The following ANKRD27 variants were observed in gnomAD, a reference collection of about 807,000 sequenced individuals.
The protein encoded by ANKRD27 is ankyrin repeat domain-containing protein 27.
A neutral mutation model predicts 129.7 loss-of-function variants in ANKRD27; 112 were observed. The ratio of observed to expected loss-of-function variants is 0.86; its 90% confidence interval spans 0.74 to 1.01. The LOEUF (loss-of-function observed/expected upper bound fraction) is 1.01, where lower values mean the gene tolerates loss of function less well. ANKRD27 is among the 50% of genes least tolerant of loss of function. The pLI, the probability that ANKRD27 is intolerant of heterozygous loss-of-function variation, is 0.00. For missense variants in ANKRD27, 1,258 were observed against 1,300.5 expected, an observed-to-expected ratio of 0.97 and a Z score of 0.50; for synonymous variants, 516 against 511.2, an observed-to-expected ratio of 1.01 and a Z score of -0.13.
chr19:32,603,245 C>CA (rs1971679052), intron 25 of ANKRD27, among the ~76,000 whole-genome samples: 1 of 152,118 alleles, frequency 6.6e-6, no homozygotes, highest in Non-Finnish European at 1.5e-5. Context: ...TTGCAGTGAG[C>CA]CAAGATCACG....
intron 17 of ANKRD27, among the ~76,000 whole-genome samples, chr19:32,624,318 G>C (rs1005274888): frequency 2.0e-5 from 3 of 149,756 alleles, no homozygotes; most frequent in African/African-American, 7.4e-5. Flanking sequence ...AGTGAGCCAA[G>C]ATCGTGCCAT....
At chr19:32,599,897 A>G in intron 27 of ANKRD27, 75 bp downstream of exon 27, 5 of 1,517,984 alleles carry the variant, frequency 3.3e-6, no homozygotes, top group Non-Finnish European at 4.5e-6. Flanking sequence ...ACCAATTACA[A>G]TTGAAGCAGC....
At chr19:32,673,492 T>G in intron 1 of ANKRD27, 1 of 982,484 alleles carries the variant, frequency 1.0e-6, no homozygotes, top group East Asian at 1.1e-4. Context: ...TCAACTTCTC[T>G]GCTAGGTGCT....
chr19:32,665,101 T>C (rs1967725656), intron 1 of ANKRD27, among the ~76,000 whole-genome samples: 1 of 151,952 alleles, frequency 6.6e-6, no homozygotes, highest in South Asian at 2.1e-4. Context: ...AGACCACATA[T>C]GAACATTTAT....
At chr19:32,615,866 C>G (rs1053339677) in intron 21 of ANKRD27, 86 bp from the exon 22 acceptor site, 1 of 1,528,524 alleles carries the variant, frequency 6.5e-7, no homozygotes, top group African/African-American at 1.4e-5. Context: ...TCAACCGTTC[C>G]CAATCAGGGC....
rs780770615 is a variant in ANKRD27, at chr19:32,615,798, C to T, written c.2053-18G>A. On this transcript the variant is annotated intron_variant, in intron 21 of 28. Transcript: ENST00000306065. Reference sequence around the variant, plus strand: ...TAACGCACCTGGTGATGGAGAGTAACGGAAACAGGAACACATCCTCAGCGT... The same window carrying T: ...TAACGCACCTGGTGATGGAGAGTAATGGAAACAGGAACACATCCTCAGCGT... 25 of 1,607,884 alleles carry T rather than the reference C, an allele frequency of 1.6e-5. No individual in the cohort carries two copies. The highest frequency in any genetic ancestry group is 2.2e-5 in the East Asian group (1 of 44,724).
At chr19:32,629,844 CTTTTTTT>C (rs548494616) in intron 13 of ANKRD27, among the ~76,000 whole-genome samples, 8,215 of 105,654 alleles carry the variant, frequency 0.078, 388 homozygotes, top group African/African-American at 0.15. Context: ...CTCTTGTGTT[CTTTTTTT>C]TTTTTTTTTT....
In ANKRD27 at chr19:32,607,795, T is replaced by C; in HGVS notation, c.2213A>G (p.Asn738Ser). 6.2e-7 allele frequency: 1 copy of C among 1,610,638 alleles called. No individual in the cohort carries two copies. Among genetic ancestry groups the C allele is most frequent in the Non-Finnish European group, 8.5e-7 (1 of 1,178,868 alleles). Reference sequence around the variant, plus strand: ...GGAGGAGCCGTCCTGGCTGGTCACGTTCACACCAAGCCCACTGGCAGGAAC... The same window carrying C: ...GGAGGAGCCGTCCTGGCTGGTCACGCTCACACCAAGCCCACTGGCAGGAAC... Reference protein sequence around the residue: ...AKVPASGLGVNVTSQDGSSPL... With the variant: ...AKVPASGLGVSVTSQDGSSPL... The change falls in exon 23 of 29, where the codon AAC becomes AGC. Residue 738 changes from asparagine (N) to serine (S), a missense_variant. Physicochemically the swap from Asn to Ser is conservative, Grantham distance 46 (BLOSUM62 1). Transcript: ENST00000306065.
intron 22 of ANKRD27, among the ~76,000 whole-genome samples, chr19:32,610,239 G>A (rs970668081): frequency 3.3e-5 from 5 of 152,060 alleles, no homozygotes; most frequent in African/African-American, 1.2e-4. Context: ...GAACCCAGGA[G>A]GCAGAGGTTG....
chr19:32,647,294 G>A (rs1967321596), intron 3 of ANKRD27, among the ~76,000 whole-genome samples: 1 of 152,234 alleles, frequency 6.6e-6, no homozygotes, highest in Non-Finnish European at 1.5e-5. Context: ...CGGTTTTACA[G>A]TTACACGTTT....
At chr19:32,650,602 G>A (rs1474946250) in intron 2 of ANKRD27, among the ~76,000 whole-genome samples, 1 of 151,574 alleles carries the variant, frequency 6.6e-6, no homozygotes, top group Admixed American at 6.6e-5. Flanking sequence ...TTCAGCCCAG[G>A]AGGCAGAGGT....
In ANKRD27 at chr19:32,626,753, G is replaced by C. The variant is rs1401520865; in HGVS notation, c.1495C>G (p.Pro499Ala). ...VNATDYHGAT[P>A]LHLACQKGYQ... ...CCCTTCTGACAGGCCAGGTGGAGCG[G>C]AGTGGCTCCATGGTAGTCTGTGGCA... The change falls in exon 16 of 29, where the codon CCG becomes GCG. Residue 499 changes from proline (P) to alanine (A), a missense_variant. By Grantham distance (27) the Pro-to-Ala change is conservative. Coordinates refer to ENST00000306065, the MANE Select transcript of ANKRD27 (RefSeq NM_032139.3). 1 of 1,612,414 alleles carries C rather than the reference G, an allele frequency of 6.2e-7. No homozygotes were observed. Among genetic ancestry groups the C allele is most frequent in the South Asian group, 1.1e-5 (1 of 90,640 alleles).
At chr19:32,609,107 C>A (rs1971795713) in intron 22 of ANKRD27, among the ~76,000 whole-genome samples, 1 of 135,726 alleles carries the variant, frequency 7.4e-6, no homozygotes, top group African/African-American at 2.7e-5. Flanking sequence ...ACTCCATCTC[C>A]AAAAAAAAAA....
At chr19:32,612,555 G>A (rs1971849937) in intron 22 of ANKRD27, among the ~76,000 whole-genome samples, 1 of 152,122 alleles carries the variant, frequency 6.6e-6, no homozygotes, top group South Asian at 2.1e-4. Flanking sequence ...CAATACTGAG[G>A]CTTACTACAC....
chr19:32,632,753 T>TCCAG (rs1336174282), intron 12 of ANKRD27, among the ~76,000 whole-genome samples: 1 of 152,168 alleles, frequency 6.6e-6, no homozygotes, highest in African/African-American at 2.4e-5. Flanking sequence ...GGGAATTTTC[T>TCCAG]CCAGCCAGCG....
In ANKRD27 at chr19:32,597,942, G is replaced by C; in HGVS notation, c.*203C>G. The stretch of plus-strand genomic sequence containing the variant: ...TTGTCTGTTTCAATTGTATTCATTA[G>C]CTTTGAAGAGGAGAGAGATGGTGGT... On this transcript the variant is annotated 3_prime_UTR_variant, in exon 29 of 29. Coordinates refer to ENST00000306065, the MANE Select transcript of ANKRD27 (RefSeq NM_032139.3). 3.4e-6 allele frequency: 2 copies of C among 593,310 alleles called. No individual in the cohort carries two copies. The highest frequency in any genetic ancestry group is 6.0e-6 in the Non-Finnish European group (2 of 332,640). 36.8% of individuals were successfully genotyped at this position (593,310 alleles called of 1,614,324 possible). A position where few individuals can be genotyped will look rare whatever the true frequency, so the allele number is the denominator to read the frequency against.
Position 32,605,932 on chromosome 19 carries a change from G to C in ANKRD27, c.2396C>G (p.Ser799Trp). The change falls in exon 24 of 29, where the codon TCG (serine) becomes TGG (tryptophan). Residue 799 changes from serine to tryptophan, a missense_variant. By Grantham distance (177) the Ser-to-Trp change is radical. Transcript: ENST00000306065. ...HFQVVKCLLD[S>W]NAKPNKKDLS... Reference sequence around the variant, plus strand: ...GTCCTTCTTATTGGGTTTTGCATTCGAATCTAACAGACACTTCACCACCTG... The same window carrying C: ...GTCCTTCTTATTGGGTTTTGCATTCCAATCTAACAGACACTTCACCACCTG... The C allele has an allele frequency of 1.2e-6, 2 of 1,613,794 alleles. No individual in the cohort carries two copies. The highest frequency in any genetic ancestry group is 1.7e-6 in the Non-Finnish European group (2 of 1,179,900).
chr19:32,617,624 G>T lies in ANKRD27; in HGVS notation c.2017C>A (p.Leu673Ile). The change falls in exon 21 of 29, where the codon CTT becomes ATT. Residue 673 changes from leucine to isoleucine, a missense_variant. Leu to Ile is a conservative substitution (Grantham distance 5, BLOSUM62 2). Coordinates refer to ENST00000306065, the MANE Select transcript of ANKRD27 (RefSeq NM_032139.3). Reference sequence around the variant, plus strand: ...TCTCCATCAGCAACTGCTCTCAAAAGTTTTTCTACCTTAATAAAAGGAACA... The same window carrying T: ...TCTCCATCAGCAACTGCTCTCAAAATTTTTTCTACCTTAATAAAAGGAACA... ...TKKDYREVEKLLRAVADGDLE... is the reference protein window; with the variant it reads ...TKKDYREVEKILRAVADGDLE... 1.3e-6 allele frequency: 1 copy of T among 753,832 alleles called. No homozygotes were observed. Among genetic ancestry groups the T allele is most frequent in the South Asian group, 1.5e-5 (1 of 68,778 alleles). The allele number at this position is 753,832 out of a possible 1,614,324, so 46.7% of individuals were successfully genotyped here.
intron 19 of ANKRD27, 55 bp downstream of exon 19, chr19:32,619,439 A>G (rs985961591): frequency 6.2e-7 from 1 of 1,613,888 alleles, no homozygotes; most frequent in African/African-American, 1.3e-5. Flanking sequence ...TGAGGACCAG[A>G]GAAGGCGCCC....
Sources: gnomAD v4.1 joint callset for allele counts (sites outside exome capture counted in the v4.1 genomes callset) on GRCh38, gnomAD v4.1.1 for gene constraint, MANE v1.5 for transcripts, NCBI Gene and HGNC (gene_info 2026-07-23, HGNC 2026-07-21) for gene names.